The following KCNH1 variants were observed in gnomAD, a reference collection of about 807,000 sequenced individuals.
KCNH1 encodes voltage-gated delayed rectifier potassium channel KCNH1.
A neutral mutation model predicts 69.2 loss-of-function variants in KCNH1; 27 were observed. The ratio of observed to expected loss-of-function variants is 0.39; its 90% confidence interval spans 0.29 to 0.54. KCNH1 has a LOEUF of 0.54. KCNH1 is among the 20% of genes least tolerant of loss of function. The pLI, the probability that KCNH1 is intolerant of heterozygous loss-of-function variation, is 0.68. For synonymous variants in KCNH1, 456 were observed against 487.7 expected (o/e 0.93, Z 0.86); for missense variants, 798 against 1,261.6 (o/e 0.63, Z 5.57).
intron 7 of KCNH1, among the ~76,000 whole-genome samples, chr1:210,807,355 A>G (rs1684605720): frequency 6.6e-6 from 1 of 152,144 alleles, no homozygotes; most frequent in South Asian, 2.1e-4. Context: ...CTGTAATCCC[A>G]GCACTTTGGG....
At chr1:210,699,663 A>G (rs909307942) in intron 10 of KCNH1, among the ~76,000 whole-genome samples, 2 of 152,016 alleles carry the variant, frequency 1.3e-5, no homozygotes, top group Non-Finnish European at 2.9e-5. Flanking sequence ...CACACCCCCA[A>G]CCCTGCCCCA....
At chr1:210,972,053 A>C (rs58263592) in intron 6 of KCNH1, among the ~76,000 whole-genome samples, 10 of 152,038 alleles carry the variant, frequency 6.6e-5, no homozygotes, top group Non-Finnish European at 1.2e-4. Context: ...CTGTGACCTT[A>C]TGTGAGCACT....
At chr1:210,950,241 T>C (rs1688038259) in intron 6 of KCNH1, among the ~76,000 whole-genome samples, 1 of 151,784 alleles carries the variant, frequency 6.6e-6, no homozygotes, top group East Asian at 1.9e-4. Context: ...AATTATACTT[T>C]AAGTTTTAGG....
chr1:210,731,946 T>C (rs971753509), intron 10 of KCNH1, among the ~76,000 whole-genome samples: 4 of 152,062 alleles, frequency 2.6e-5, no homozygotes, highest in African/African-American at 9.7e-5. Context: ...AAAGCTGACA[T>C]GTTAGGTCGG....
At chr1:210,786,413 G>T (rs553859964) in intron 9 of KCNH1, among the ~76,000 whole-genome samples, 1 of 152,192 alleles carries the variant, frequency 6.6e-6, no homozygotes, top group East Asian at 1.9e-4. Context: ...ATGACCATTT[G>T]TCATACTCCC....
chr1:210,850,488 A>G (rs557933603), intron 7 of KCNH1, among the ~76,000 whole-genome samples: 3 of 151,716 alleles, frequency 2.0e-5, no homozygotes, highest in Non-Finnish European at 4.4e-5. Context: ...TCCAGCCTGG[A>G]TGACAGAGTG....
At chr1:210,687,146 A>G (rs569253948) in intron 10 of KCNH1, among the ~76,000 whole-genome samples, 2 of 152,332 alleles carry the variant, frequency 1.3e-5, no homozygotes, top group African/African-American at 4.8e-5. Context: ...GACTTATGAA[A>G]AGGAAGTTCT....
At chr1:211,084,132 G>C (rs972267777) in intron 4 of KCNH1, among the ~76,000 whole-genome samples, 2 of 152,240 alleles carry the variant, frequency 1.3e-5, no homozygotes, top group Non-Finnish European at 1.5e-5. Flanking sequence ...CTGTGGGGGG[G>C]TCCCATTAAT....
intron 6 of KCNH1, among the ~76,000 whole-genome samples, chr1:210,969,469 A>C (rs1688472561): frequency 6.6e-6 from 1 of 152,104 alleles, no homozygotes; most frequent in South Asian, 2.1e-4. Flanking sequence ...ATTATTAACA[A>C]TTATAGGGCA....
intron 6 of KCNH1, among the ~76,000 whole-genome samples, chr1:210,932,510 C>G (rs1687696240): frequency 6.7e-6 from 1 of 150,186 alleles, no homozygotes; most frequent in Non-Finnish European, 1.5e-5. Context: ...ACTGACCTAT[C>G]AATAATAACC....
intron 7 of KCNH1, among the ~76,000 whole-genome samples, chr1:210,857,224 T>A (rs1216102500): frequency 1.3e-5 from 2 of 152,250 alleles, no homozygotes; most frequent in Admixed American, 1.3e-4. Flanking sequence ...CTTTATATAA[T>A]GAAGACTTTA....
intron 10 of KCNH1, among the ~76,000 whole-genome samples, chr1:210,722,968 A>G (rs1337191083): frequency 6.6e-6 from 1 of 152,208 alleles, no homozygotes; most frequent in Admixed American, 6.5e-5. Context: ...TTCCTGACAG[A>G]CCTCAGGGAA....
intron 10 of KCNH1, among the ~76,000 whole-genome samples, chr1:210,753,589 C>T (rs1444931612): frequency 6.6e-6 from 1 of 152,176 alleles, no homozygotes; most frequent in East Asian, 1.9e-4. Flanking sequence ...CCTATTGTCT[C>T]CTCAGCCAAA....
intron 7 of KCNH1, among the ~76,000 whole-genome samples, chr1:210,853,005 G>A (rs1685742101): frequency 6.6e-6 from 1 of 152,078 alleles, no homozygotes; most frequent in African/African-American, 2.4e-5. Flanking sequence ...TCATGTGCTA[G>A]CTTTTCCAGT....
At chr1:210,887,130 T>C (rs1686628497) in intron 7 of KCNH1, among the ~76,000 whole-genome samples, 1 of 152,058 alleles carries the variant, frequency 6.6e-6, no homozygotes, top group Non-Finnish European at 1.5e-5. Context: ...AAAATAACGT[T>C]AAGGGAAGCC....
intron 6 of KCNH1, among the ~76,000 whole-genome samples, chr1:210,923,822 C>T (rs1687512920): frequency 6.6e-6 from 1 of 152,220 alleles, no homozygotes; most frequent in Non-Finnish European, 1.5e-5. Context: ...ATATATTCAA[C>T]ATGTATTGTG....
chr1:210,714,969 T>C (rs974244330), intron 10 of KCNH1, among the ~76,000 whole-genome samples: 3 of 152,188 alleles, frequency 2.0e-5, no homozygotes, highest in Admixed American at 2.0e-4. Flanking sequence ...TCCATGGTGA[T>C]GTCTGACCGG....
At position 210,804,159 on chromosome 1, in the gene KCNH1, G is replaced by C; in HGVS notation, c.1470C>G (p.Leu490=). 1 of 1,611,268 alleles carries C rather than the reference G, an allele frequency of 6.2e-7. No individual in the cohort carries two copies. The highest frequency in any genetic ancestry group is 8.5e-7 in the Non-Finnish European group (1 of 1,178,458). ...AVAIMMIGSL[L]YATIFGNVTT... is the part of the protein sequence containing the mutation. ...TCACATTCCCGAAGATGGTGGCATA[G>C]AGAAGTGCTAGAGGTGAGGAGGAGG... is the stretch of plus-strand genomic sequence containing the variant. Residue 490 remains leucine (L), a synonymous_variant, in exon 8 of 11, where the codon CTC becomes CTG. Coordinates refer to ENST00000271751, the MANE Select transcript of KCNH1 (RefSeq NM_172362.3).
chr1:211,007,039 A>G (rs1007445794), intron 6 of KCNH1, among the ~76,000 whole-genome samples: 1 of 152,208 alleles, frequency 6.6e-6, no homozygotes, highest in African/African-American at 2.4e-5. Flanking sequence ...TTCTACATCT[A>G]TAATTTCTAA....
Sources: allele counts gnomAD v4.1 joint callset (sites outside exome capture counted in the v4.1 genomes callset), GRCh38; gene constraint gnomAD v4.1.1; transcripts MANE v1.5; gene names NCBI Gene and HGNC (gene_info 2026-07-23, HGNC 2026-07-21).